Variants in C1orf185 observed in about 807,000 individuals in gnomAD.
C1orf185 encodes the protein chromosome 1 open reading frame 185.
A neutral mutation model predicts 16.1 loss-of-function variants in C1orf185; 13 were observed. The ratio of observed to expected loss-of-function variants is 0.81; its 90% CI spans 0.53 to 1.28. C1orf185 has a LOEUF of 1.28. Ranked by LOEUF, C1orf185 falls within the 50% of genes most tolerant of loss-of-function variation. C1orf185 has a pLI of 0.00. For synonymous variants in C1orf185, 80 were observed against 76.9 expected, an observed-to-expected ratio of 1.04 and a Z score of -0.21; for missense variants, 220 against 225.2, an observed-to-expected ratio of 0.98 and a Z score of 0.15.
At chr1:51,126,834 G>T (rs1467596592) in intron 3 of C1orf185, among the ~76,000 whole-genome samples, 1 of 152,110 alleles carries the variant, frequency 6.6e-6, no homozygotes, top group Non-Finnish European at 1.5e-5. Context: ...TGCTATTTCA[G>T]GACCTAATCC....
At chr1:51,109,140 T>C (rs191087966) in intron 1 of C1orf185, among the ~76,000 whole-genome samples, 3 of 152,326 alleles carry the variant, frequency 2.0e-5, no homozygotes, top group East Asian at 1.9e-4. Flanking sequence ...TAATATCTCA[T>C]TGTGGTTTTG....
chr1:51,134,511 G>C (rs1646308103), intron 3 of C1orf185, among the ~76,000 whole-genome samples: 1 of 55,326 alleles, frequency 1.8e-5, no homozygotes, highest in Non-Finnish European at 3.4e-5. Flanking sequence ...GAAGGAGAAT[G>C]AGACACACAC....
intron 3 of C1orf185, among the ~76,000 whole-genome samples, chr1:51,133,320 A>T (rs961834458): frequency 6.6e-6 from 1 of 152,186 alleles, no homozygotes; most frequent in Admixed American, 6.5e-5. Flanking sequence ...CCTATCTCAC[A>T]TGCAACAATA....
At chr1:51,149,450 T>C (rs1329543638), downstream of C1orf185, among the ~76,000 whole-genome samples, 7 of 152,214 alleles carry the variant, frequency 4.6e-5, no homozygotes, top group Non-Finnish European at 7.3e-5. Flanking sequence ...TCTATTGCTA[T>C]CCTCACCTAA....
chr1:51,146,827 C>G (rs1000313902), intron 4 of C1orf185, among the ~76,000 whole-genome samples: 32 of 152,048 alleles, frequency 2.1e-4, no homozygotes, highest in African/African-American at 7.7e-4. Context: ...AAAGTCTCTA[C>G]AGGAAGATTT....
chr1:51,124,691 A>C (rs1170149577), intron 3 of C1orf185, among the ~76,000 whole-genome samples: 4 of 152,242 alleles, frequency 2.6e-5, no homozygotes, highest in Non-Finnish European at 5.9e-5. Flanking sequence ...GGAAAGGGGC[A>C]GTAATATCTG....
chr1:51,117,805 A>G (rs1257329104), intron 2 of C1orf185, among the ~76,000 whole-genome samples: 1 of 152,064 alleles, frequency 6.6e-6, no homozygotes, highest in African/African-American at 2.4e-5. Context: ...ATCATCTGAG[A>G]TTTTACTTGC....
chr1:51,125,905 C>A (rs1392907336), intron 3 of C1orf185, among the ~76,000 whole-genome samples: 3 of 152,096 alleles, frequency 2.0e-5, no homozygotes, highest in African/African-American at 7.2e-5. Context: ...TACTTGTAAT[C>A]CCAGCACTTT....
At chr1:51,149,297 A>G (rs1028119054), downstream of C1orf185, among the ~76,000 whole-genome samples, 7 of 152,156 alleles carry the variant, frequency 4.6e-5, no homozygotes, top group African/African-American at 1.7e-4. Context: ...CAATAAATGC[A>G]ATGAACTTTC....
chr1:51,140,117 T>C (rs549316517), intron 3 of C1orf185, among the ~76,000 whole-genome samples: 2 of 152,332 alleles, frequency 1.3e-5, no homozygotes, highest in African/African-American at 4.8e-5. Context: ...TGCGCTCTAC[T>C]ACATACAGGT....
intron 3 of C1orf185, among the ~76,000 whole-genome samples, chr1:51,120,761 A>G (rs1646192056): frequency 6.6e-6 from 1 of 152,194 alleles, no homozygotes; most frequent in African/African-American, 2.4e-5. Flanking sequence ...GACAATTACA[A>G]AAGTGTCATG....
chr1:51,120,022 A>G lies in C1orf185; in HGVS notation c.258+1221A>G, dbSNP rs546535862. On this transcript the variant is annotated intron_variant, in intron 3 of 4. Coordinates refer to ENST00000371759, the MANE Select transcript of C1orf185 (RefSeq NM_001136508.2). ...TTGAGGAGGGCTTCACAGAGAAGAC[A>G]TTTTGAACTGGGTTTTAAGAAATGA... Among the ~76,000 whole-genome samples the G allele has an allele frequency of 2.6e-4, 40 of 152,312 alleles. No homozygotes were observed. In the South Asian group the frequency reaches 3.3e-3, roughly 13 times the overall value.
At chr1:51,105,002 T>C (rs1327339604) in intron 1 of C1orf185, among the ~76,000 whole-genome samples, 1 of 151,942 alleles carries the variant, frequency 6.6e-6, no homozygotes, top group East Asian at 1.9e-4. Flanking sequence ...TCTTGCTCTG[T>C]CACCCAGGCT....
At chr1:51,145,987 T>C (rs903577469) in intron 4 of C1orf185, among the ~76,000 whole-genome samples, 11 of 152,196 alleles carry the variant, frequency 7.2e-5, no homozygotes, top group African/African-American at 2.7e-4. Context: ...TTTTTATCTC[T>C]TATTTGTACT....
Position 51,118,875 on chromosome 1 carries a change from A to T in C1orf185, c.258+74A>T, listed in dbSNP as rs1396250217. 1.4e-5 allele frequency: 16 copies of T among 1,110,694 alleles called. No individual in the cohort carries two copies. In the African/African-American group the frequency reaches 2.3e-4, roughly 16 times the overall value. 68.8% of individuals were successfully genotyped at this position (1,110,694 alleles called of 1,614,324 possible). A position where few individuals can be genotyped will look rare whatever the true frequency, so the allele number is the denominator to read the frequency against. On this transcript the variant is annotated intron_variant, in intron 3 of 4. Transcript: ENST00000371759. Reference sequence around the variant, plus strand: ...ACCATGTTATTAGCATTGCTGTCTTAAAATCTGAAGGACAGAGAATCCACT... The same window carrying T: ...ACCATGTTATTAGCATTGCTGTCTTTAAATCTGAAGGACAGAGAATCCACT...
chr1:51,135,679 G>A (rs893030743), intron 3 of C1orf185, among the ~76,000 whole-genome samples: 2 of 152,204 alleles, frequency 1.3e-5, no homozygotes, highest in Non-Finnish European at 2.9e-5. Flanking sequence ...AGCCATCTAT[G>A]ACAAACCCAT....
At chr1:51,136,335 C>A (rs1399343202) in intron 3 of C1orf185, among the ~76,000 whole-genome samples, 7 of 148,644 alleles carry the variant, frequency 4.7e-5, no homozygotes. Flanking sequence ...CTATTTTGAT[C>A]TTGATTTTTT....
chr1:51,126,965 C>T (rs535316400), intron 3 of C1orf185, among the ~76,000 whole-genome samples: 19 of 151,808 alleles, frequency 1.3e-4, no homozygotes, highest in African/African-American at 4.3e-4. Context: ...TAAAATGTCC[C>T]TCAATTGGGG....
At chr1:51,102,779 G>A (rs372796352) in intron 1 of C1orf185, among the ~76,000 whole-genome samples, 1 of 151,478 alleles carries the variant, frequency 6.6e-6, no homozygotes, top group South Asian at 2.1e-4. Flanking sequence ...GGTTTATTTT[G>A]CTGGTCTTTT....
Sources: gnomAD v4.1 joint callset for allele counts (sites outside exome capture counted in the v4.1 genomes callset) on GRCh38, gnomAD v4.1.1 for gene constraint, MANE v1.5 for transcripts, NCBI Gene and HGNC (gene_info 2026-07-23, HGNC 2026-07-21) for gene names.